DNAI4: variants seen among roughly 807,000 people sequenced by gnomAD.
DNAI4 encodes the protein dynein axonemal intermediate chain 4, also known as WD repeat domain 78.
DNAI4 carries 85 observed loss-of-function variants against 105.8 expected under a neutral mutation model. That is an observed-to-expected ratio of 0.80 (90% CI 0.67 to 0.96). The LOEUF (loss-of-function observed/expected upper bound fraction) is 0.96. Ranked by LOEUF, DNAI4 falls within the 40% of genes least tolerant of loss-of-function variation. The probability of loss-of-function intolerance (pLI) is 0.00; values close to 1 mark genes in which losing one functional copy is unlikely to be tolerated. For synonymous variants in DNAI4, 352 were observed against 331.5 expected (o/e 1.06, Z -0.67); for missense variants, 1,014 against 1,005.6 (o/e 1.01, Z -0.11).
intron 8 of DNAI4, among the ~76,000 whole-genome samples, chr1:66,841,564 G>A (rs1646149115): frequency 6.6e-6 from 1 of 152,018 alleles, no homozygotes; most frequent in Non-Finnish European, 1.5e-5. Context: ...GGGGGCGGGG[G>A]TCTTACTCTA....
Position 66,843,986 on chromosome 1 carries a change from T to C in DNAI4, c.1292-3315A>G, listed in dbSNP as rs938531591. On this transcript the variant is annotated intron_variant, in intron 8 of 16. Coordinates refer to ENST00000371026, the MANE Select transcript of DNAI4 (RefSeq NM_024763.5). ...AAATCAATGATCCAATTTTCCATTT[T>C]AAGAAACTAGAAAAGGAGCCAGGAA... Among the ~76,000 whole-genome samples the C allele has an allele frequency of 2.9e-5, 4 of 136,558 alleles. No individual in the cohort carries two copies. The Admixed American group carries it at 3.4e-4, about 12-fold the overall frequency. The allele number at this position is 136,558 out of a possible 152,430, so 89.6% of individuals were successfully genotyped here.
intron 1 of DNAI4, among the ~76,000 whole-genome samples, chr1:66,913,471 A>C (rs764287129): frequency 6.6e-6 from 1 of 152,206 alleles, no homozygotes; most frequent in Non-Finnish European, 1.5e-5. Context: ...TCTCAGCTCC[A>C]AAGGAAAAGG....
At chr1:66,814,568 C>T (rs932598957) in intron 16 of DNAI4, among the ~76,000 whole-genome samples, 7 of 152,164 alleles carry the variant, frequency 4.6e-5, no homozygotes, top group African/African-American at 1.7e-4. Flanking sequence ...TACGGTTTCA[C>T]TGTGTTAGCT....
chr1:66,899,009 T>C lies in DNAI4; in HGVS notation c.346-5596A>G, dbSNP rs374165857. Among the ~76,000 whole-genome samples the C allele has an allele frequency of 7.9e-5, 12 of 152,358 alleles. 1 individual carries two copies. The highest frequency in any genetic ancestry group is 3.3e-4 in the Admixed American group (5 of 15,306). ...AACATTTTCTTTACCCACTTTTCCATTGATGGACATTTGAGTTGTTTCCAC... is the reference window on the plus strand; with the variant it reads ...AACATTTTCTTTACCCACTTTTCCACTGATGGACATTTGAGTTGTTTCCAC... On this transcript the variant is annotated intron_variant, in intron 2 of 16. Coordinates refer to ENST00000371026, the MANE Select transcript of DNAI4 (RefSeq NM_024763.5).
intron 7 of DNAI4, among the ~76,000 whole-genome samples, chr1:66,854,380 G>C (rs1646456818): frequency 1.3e-5 from 2 of 152,066 alleles, no homozygotes; most frequent in South Asian, 4.1e-4. Context: ...GACACACCAA[G>C]ACCCTATCTC....
At chr1:66,851,121 ATG>A (rs776778284) in intron 7 of DNAI4, among the ~76,000 whole-genome samples, 58 of 152,050 alleles carry the variant, frequency 3.8e-4, no homozygotes, top group Non-Finnish European at 6.8e-4. Flanking sequence ...CAAATATACA[ATG>A]TAGATAGGTT....
chr1:66,893,063 GAGAAAGAAAGAAAGAAAGAA>G (rs768595484), intron 3 of DNAI4, among the ~76,000 whole-genome samples, 146 bp downstream of exon 3: 7 of 89,552 alleles, frequency 7.8e-5, no homozygotes, highest in South Asian at 4.1e-4. Flanking sequence ...AAGAGAGAGA[GAGAAAGAAAGAAAGAAAGAA>G]AGAAAGAAAG....
chr1:66,874,373 G>A (rs1160899891), intron 5 of DNAI4, among the ~76,000 whole-genome samples: 1 of 151,914 alleles, frequency 6.6e-6, no homozygotes, highest in Non-Finnish European at 1.5e-5. Context: ...TATTAGGTTG[G>A]TGCAAAAGTA....
At chr1:66,842,380 TTTTG>T (rs946929332) in intron 8 of DNAI4, among the ~76,000 whole-genome samples, 61 of 152,204 alleles carry the variant, frequency 4.0e-4, no homozygotes, top group South Asian at 2.5e-3. Flanking sequence ...GTTTGGGTTT[TTTTG>T]TTTGTTTGTT....
chr1:66,824,902 A>C (rs1645716795), intron 15 of DNAI4, among the ~76,000 whole-genome samples: 1 of 152,224 alleles, frequency 6.6e-6, no homozygotes, highest in African/African-American at 2.4e-5. Context: ...TATCCACCAA[A>C]GTGGAATAAA....
rs534878114 is a variant in DNAI4 at position 66,913,805 on chromosome 1, A to G, written c.171-8430T>C. Among the ~76,000 whole-genome samples the G allele has an allele frequency of 6.4e-3, 977 of 151,960 alleles. 4 individuals carry two copies. The highest frequency in any genetic ancestry group is 0.011 in the Non-Finnish European group (728 of 67,960). ...AGACCATCCTGGCTAACATGGTGAA[A>G]CCCCATCTCTACTAAAAATACAAAA... On this transcript the variant is annotated intron_variant, in intron 1 of 16. Coordinates refer to ENST00000371026, the MANE Select transcript of DNAI4 (RefSeq NM_024763.5).
intron 2 of DNAI4, among the ~76,000 whole-genome samples, chr1:66,896,910 C>A (rs1043076351): frequency 2.6e-5 from 4 of 152,030 alleles, no homozygotes; most frequent in Non-Finnish European, 5.9e-5. Context: ...ATAACAAACA[C>A]CTGAAAATGT....
At chr1:66,893,000 A>AG (rs1266783411) in intron 3 of DNAI4, among the ~76,000 whole-genome samples, 2,086 of 116,090 alleles carry the variant, frequency 0.018, 63 homozygotes, top group African/African-American at 0.024. Context: ...AAAGAAAGAG[A>AG]GAAAGAGAGA....
At chr1:66,851,666 A>C (rs1646399302) in intron 7 of DNAI4, among the ~76,000 whole-genome samples, 1 of 151,996 alleles carries the variant, frequency 6.6e-6, no homozygotes, top group South Asian at 2.1e-4. Flanking sequence ...ATCTTAAAAA[A>C]ACAAAATGCT....
intron 2 of DNAI4, among the ~76,000 whole-genome samples, chr1:66,894,525 T>C (rs1648148098): frequency 1.3e-5 from 2 of 152,174 alleles, no homozygotes; most frequent in Admixed American, 6.5e-5. Context: ...ATGTTTTCCA[T>C]TATGGATTGT....
chr1:66,834,288 TA>T (rs1645935006), intron 11 of DNAI4, 140 bp from the exon 12 acceptor site: 1 of 593,058 alleles, frequency 1.7e-6, no homozygotes. Context: ...AATAGACTTT[TA>T]TTTTAAATAT....
intron 4 of DNAI4, among the ~76,000 whole-genome samples, chr1:66,888,648 A>G (rs1369145232): frequency 6.6e-6 from 1 of 152,168 alleles, no homozygotes; most frequent in Non-Finnish European, 1.5e-5. Flanking sequence ...AGCTGAGATC[A>G]TGCCACTGAA....
At chr1:66,894,052 A>G (rs941239579) in intron 2 of DNAI4, among the ~76,000 whole-genome samples, 4 of 152,338 alleles carry the variant, frequency 2.6e-5, no homozygotes, top group African/African-American at 9.6e-5. Context: ...GATAATAATA[A>G]TAAATTATGC....
intron 1 of DNAI4, among the ~76,000 whole-genome samples, chr1:66,913,036 T>C (rs771363200): frequency 2.6e-5 from 4 of 152,230 alleles, no homozygotes; most frequent in African/African-American, 9.6e-5. Flanking sequence ...TCCGTGACGA[T>C]GGAAGGCAGG....
Sources: allele counts gnomAD v4.1 joint callset (sites outside exome capture counted in the v4.1 genomes callset), GRCh38; gene constraint gnomAD v4.1.1; transcripts MANE v1.5; gene names NCBI Gene and HGNC (gene_info 2026-07-23, HGNC 2026-07-21).